GLIPR1L2: variants seen among roughly 807,000 people sequenced by gnomAD.
GLIPR1L2 encodes the protein GLIPR1-like protein 2.
Under a neutral mutation model 28.4 loss-of-function variants are expected in GLIPR1L2, and 21 were observed. The ratio of observed to expected loss-of-function variants is 0.74; its 90% CI spans 0.52 to 1.06. GLIPR1L2 has a LOEUF of 1.06. GLIPR1L2 is among the 50% of genes least tolerant of loss of function. The pLI is 0.00. For synonymous variants in GLIPR1L2, 145 were observed against 139.3 expected (o/e 1.04, Z -0.29); for missense variants, 476 against 416.9 (o/e 1.14, Z -1.23).
rs772979370 is a variant in GLIPR1L2 at position 75,406,773 on chromosome 12, AAGAGAG to A, written c.235-3651_235-3646del. On this transcript the variant is annotated intron_variant, in intron 1 of 5. Coordinates refer to ENST00000550916, the MANE Select transcript of GLIPR1L2 (RefSeq NM_001270396.2). ...TCCCTATCTCAAAAAAAAAAAAAAAAAGAGAGAGAGAGAGAAAGAGAGAGAGAGATG... is the reference window on the plus strand; with the variant it reads ...TCCCTATCTCAAAAAAAAAAAAAAAAAGAGAGAGAAAGAGAGAGAGAGATG... 2.0e-3 allele frequency among the ~76,000 whole-genome samples: 283 copies of A among 145,126 alleles called. 18 individuals are homozygous for A. The highest frequency in any genetic ancestry group is 3.5e-3 in the Middle Eastern group (1 of 284).
chr12:75,401,549 A>G (rs2045741867), intron 1 of GLIPR1L2, among the ~76,000 whole-genome samples: 1 of 151,980 alleles, frequency 6.6e-6, no homozygotes, highest in Non-Finnish European at 1.5e-5. Flanking sequence ...AATAGATTTG[A>G]CAAGTAAATT....
intron 3 of GLIPR1L2, 25 bp downstream of exon 3, chr12:75,413,726 G>T: frequency 1.8e-6 from 2 of 1,101,390 alleles, no homozygotes; most frequent in Non-Finnish European, 2.5e-6. Flanking sequence ...ATTAATAAAA[G>T]AATATAAAAA....
chr12:75,406,773 A>AAG (rs772979370), intron 1 of GLIPR1L2, among the ~76,000 whole-genome samples: 5 of 145,122 alleles, frequency 3.4e-5, no homozygotes, highest in African/African-American at 1.0e-4. Flanking sequence ...AAAAAAAAAA[A>AAG]AGAGAGAGAG....
chr12:75,410,795 A>C, intron 2 of GLIPR1L2, 116 bp downstream of exon 2: 1 of 770,250 alleles, frequency 1.3e-6, no homozygotes, highest in East Asian at 2.8e-5. Flanking sequence ...ACATTTAATA[A>C]GATCACAATT....
chr12:75,424,600 C>T (rs1052146930), intron 4 of GLIPR1L2, among the ~76,000 whole-genome samples: 3 of 145,104 alleles, frequency 2.1e-5, no homozygotes, highest in African/African-American at 7.4e-5. Context: ...CAGGTGCCAC[C>T]ATGCCCAGCT....
chr12:75,430,890 T>C lies in GLIPR1L2; in HGVS notation c.764T>C (p.Phe255Ser). The C allele has an allele frequency of 6.5e-7, 1 of 1,536,022 alleles. No homozygotes were observed. The highest frequency in any genetic ancestry group is 1.4e-5 in the African/African-American group (1 of 73,168). Residue 255 changes from phenylalanine to serine, a missense_variant, in exon 6 of 6, where the codon TTC becomes TCC. Physicochemically the swap from Phe to Ser is radical, Grantham distance 155. Transcript: ENST00000550916. ...GTTGTGTGTGATCCACTGTGCACAT[T>C]CATTTTATTATTGAGAATATTATGT... The part of the protein sequence containing the change: ...RPVVCDPLCT[F>S]ILLLRILCFI...
chr12:75,409,565 G>GTGTGTATA (rs1555232633), intron 1 of GLIPR1L2, among the ~76,000 whole-genome samples: 101 of 143,440 alleles, frequency 7.0e-4, no homozygotes, highest in Non-Finnish European at 1.1e-3. Context: ...GGGTGTGTGT[G>GTGTGTATA]TATATATATA....
In GLIPR1L2 at chr12:75,413,730, A is replaced by G. The variant is rs199637012; in HGVS notation, c.584+29A>G. On this transcript the variant is annotated intron_variant, in intron 3 of 5. Coordinates refer to ENST00000550916, the MANE Select transcript of GLIPR1L2 (RefSeq NM_001270396.2). The stretch of plus-strand genomic sequence containing the variant: ...AGTTACTTAAAATTAATAAAAGAAT[A>G]TAAAAATCAGAATATTTCAAGGTGA... 4.4e-4 allele frequency: 475 copies of G among 1,077,518 alleles called. 2 individuals are homozygous for G. The African/African-American group carries it at 7.1e-3, about 16-fold the overall frequency. 66.7% of individuals were successfully genotyped at this position (1,077,518 alleles called of 1,614,324 possible).
intron 4 of GLIPR1L2, among the ~76,000 whole-genome samples, chr12:75,426,932 A>G (rs916742429): frequency 2.0e-5 from 3 of 152,204 alleles, no homozygotes; most frequent in African/African-American, 7.2e-5. Context: ...GACATTCACC[A>G]AAAAGAAGAG....
intron 2 of GLIPR1L2, among the ~76,000 whole-genome samples, chr12:75,411,781 T>A (rs959689483): frequency 3.9e-5 from 6 of 152,042 alleles, no homozygotes; most frequent in Non-Finnish European, 7.4e-5. Flanking sequence ...AGAATCACAC[T>A]TTTAAAACCA....
At chr12:75,401,564 A>G (rs1403787807) in intron 1 of GLIPR1L2, among the ~76,000 whole-genome samples, 2 of 152,038 alleles carry the variant, frequency 1.3e-5, no homozygotes, top group Admixed American at 6.5e-5. Context: ...TAAATTATAT[A>G]TAGCAACGAA....
chr12:75,403,143 A>G (rs2045760925), intron 1 of GLIPR1L2: 2 of 456,816 alleles, frequency 4.4e-6, no homozygotes, highest in Non-Finnish European at 8.8e-6. Flanking sequence ...TTGGGGATCC[A>G]TTGGTGAGTC....
intron 4 of GLIPR1L2, among the ~76,000 whole-genome samples, chr12:75,428,709 G>A (rs796915250): frequency 2.1e-4 from 32 of 152,290 alleles, no homozygotes; most frequent in African/African-American, 6.7e-4. Context: ...CATGGGCCAG[G>A]CCCAGTCCCC....
At chr12:75,410,739 T>G (rs1457190491) in intron 2 of GLIPR1L2, 60 bp downstream of exon 2, 6 of 1,251,124 alleles carry the variant, frequency 4.8e-6, no homozygotes, top group African/African-American at 1.5e-5. Context: ...ATGCCTGGTT[T>G]TATTATGTTT....
At chr12:75,422,869 T>C in intron 3 of GLIPR1L2, 35 bp from the exon 4 acceptor site, 3 of 1,539,634 alleles carry the variant, frequency 1.9e-6, no homozygotes, top group Non-Finnish European at 2.6e-6. Context: ...TGGAAGCTTA[T>C]TCTAACTAAA....
chr12:75,431,132 A>C lies in GLIPR1L2; in HGVS notation c.1006A>C (p.Lys336Gln). The change falls in exon 6 of 6, where the codon AAA becomes CAA. Residue 336 changes from lysine (K) to glutamine (Q), a missense_variant. Coordinates refer to ENST00000550916, the MANE Select transcript of GLIPR1L2 (RefSeq NM_001270396.2). Reference protein sequence around the residue: ...EREEEEEETQKEKMEEEEK With the variant: ...EREEEEEETQQEKMEEEEK The stretch of plus-strand genomic sequence containing the variant: ...AGAGGAGGAGGAGGAGGAAACACAA[A>C]AAGAAAAGATGGAGGAAGAGGAAAA... 1 of 880,072 alleles carries C rather than the reference A, an allele frequency of 1.1e-6. No individual in the cohort carries two copies. The allele number at this position is 880,072 out of a possible 1,614,324, so 54.5% of individuals were successfully genotyped here. A position where few individuals can be genotyped will look rare whatever the true frequency, so the allele number is the denominator to read the frequency against.
chr12:75,428,291 C>T (rs533279336), intron 4 of GLIPR1L2, among the ~76,000 whole-genome samples: 1 of 152,270 alleles, frequency 6.6e-6, no homozygotes, highest in African/African-American at 2.4e-5. Context: ...CATTTTTACC[C>T]ATGCCCTAGA....
Position 75,413,582 on chromosome 12 carries a change from G to T in GLIPR1L2, c.481-16G>T. ...TAAAATTAAATTTTGTGTCTTTCTTGAAAATTTTATTTTAGCTTGTTTGGG... is the reference window on the plus strand; with the variant it reads ...TAAAATTAAATTTTGTGTCTTTCTTTAAAATTTTATTTTAGCTTGTTTGGG... On this transcript the variant is annotated splice_polypyrimidine_tract_variant and intron_variant, in intron 2 of 5. Transcript: ENST00000550916. The T allele has an allele frequency of 6.9e-7, 1 of 1,453,874 alleles. No homozygotes were observed. The highest frequency in any genetic ancestry group is 9.4e-7 in the Non-Finnish European group (1 of 1,068,776). 90.1% of individuals were successfully genotyped at this position (1,453,874 alleles called of 1,614,324 possible).
chr12:75,429,672 A>G (rs1181856983), intron 4 of GLIPR1L2, among the ~76,000 whole-genome samples: 1 of 152,120 alleles, frequency 6.6e-6, no homozygotes, highest in East Asian at 1.9e-4. Flanking sequence ...GGTAATCTCC[A>G]AGTGCTGAGG....
Sources: gnomAD v4.1 joint callset for allele counts (sites outside exome capture counted in the v4.1 genomes callset) on GRCh38, gnomAD v4.1.1 for gene constraint, MANE v1.5 for transcripts, NCBI Gene and HGNC (gene_info 2026-07-23, HGNC 2026-07-21) for gene names.